The following DIP2C variants were observed in gnomAD, a reference collection of about 807,000 sequenced individuals.
DIP2C encodes the protein disco-interacting protein 2 homolog C.
DIP2C carries 33 observed loss-of-function variants against 192.4 expected under a neutral mutation model. That is an observed-to-expected ratio of 0.17 (90% CI 0.13 to 0.23). The LOEUF (loss-of-function observed/expected upper bound fraction) is 0.23, where lower values mean the gene tolerates loss of function less well. DIP2C is among the 10% of genes least tolerant of loss of function. DIP2C has a pLI of 1.00. For synonymous variants in DIP2C, 979 were observed against 864.1 expected, an observed-to-expected ratio of 1.13 and a Z score of -2.33; for missense variants, 1,537 against 2,110.1, an observed-to-expected ratio of 0.73 and a Z score of 5.32.
At chr10:582,594 A>G (rs1850737575) in intron 1 of DIP2C, among the ~76,000 whole-genome samples, 1 of 151,468 alleles carries the variant, frequency 6.6e-6, no homozygotes, top group East Asian at 1.9e-4. Flanking sequence ...GAAAATATAA[A>G]TAAACTAAAA....
intron 29 of DIP2C, among the ~76,000 whole-genome samples, chr10:336,588 T>C (rs1389934706): frequency 6.6e-6 from 1 of 152,252 alleles, no homozygotes; most frequent in East Asian, 1.9e-4. Context: ...CAAACAACTG[T>C]TACTGGTTTA....
intron 1 of DIP2C, among the ~76,000 whole-genome samples, chr10:602,131 C>T (rs1852125771): frequency 6.6e-6 from 1 of 152,106 alleles, no homozygotes; most frequent in South Asian, 2.1e-4. Flanking sequence ...GATTTCAGGA[C>T]TCAGGCAACG....
chr10:378,344 GAC>G (rs752569818), intron 17 of DIP2C, among the ~76,000 whole-genome samples: 13 of 152,194 alleles, frequency 8.5e-5, no homozygotes, highest in East Asian at 1.9e-4. Context: ...GGTGAAAACA[GAC>G]ACACATGAAG....
intron 21 of DIP2C, among the ~76,000 whole-genome samples, 158 bp from the exon 22 acceptor site, chr10:362,849 C>T (rs1306099805): frequency 2.0e-5 from 3 of 152,154 alleles, no homozygotes; most frequent in Non-Finnish European, 2.9e-5. Context: ...GATTTTCCTA[C>T]TAAACTCACC....
chr10:319,421 T>A (rs934711189), intron 31 of DIP2C, among the ~76,000 whole-genome samples: 14 of 152,358 alleles, frequency 9.2e-5, no homozygotes, highest in Admixed American at 7.8e-4. Flanking sequence ...GTTTTTTTCC[T>A]AATAAATAAA....
At chr10:317,006 T>C (rs560039287) in intron 31 of DIP2C, among the ~76,000 whole-genome samples, 1 of 152,346 alleles carries the variant, frequency 6.6e-6, no homozygotes, top group African/African-American at 2.4e-5. Context: ...AACCAGATTG[T>C]TCCGACGGTT....
intron 1 of DIP2C, among the ~76,000 whole-genome samples, chr10:591,887 G>A (rs1048043644): frequency 6.6e-6 from 1 of 152,236 alleles, no homozygotes; most frequent in Non-Finnish European, 1.5e-5. Context: ...GCGGCGGCCT[G>A]AATGAGGCGA....
intron 1 of DIP2C, among the ~76,000 whole-genome samples, chr10:513,497 C>T (rs1004151680): frequency 2.6e-5 from 4 of 152,234 alleles, no homozygotes; most frequent in East Asian, 1.9e-4. Flanking sequence ...CGCCACACCA[C>T]GGCCCGTGGC....
intron 33 of DIP2C, 98 bp from the exon 34 acceptor site, chr10:286,445 AAG>A (rs35865276): frequency 0.01 from 11,658 of 1,128,632 alleles, 121 homozygotes; most frequent in South Asian, 0.028. Context: ...ATTTCCTTTC[AAG>A]ACTGTTTAGA....
At chr10:289,718 T>C (rs1337086602) in intron 32 of DIP2C, among the ~76,000 whole-genome samples, 1 of 152,070 alleles carries the variant, frequency 6.6e-6, no homozygotes, top group Non-Finnish European at 1.5e-5. Context: ...CTCCGGGCCC[T>C]GAGGGACCAG....
chr10:364,227 G>A lies in DIP2C; in HGVS notation c.2477+147C>T. ...TTCAGAACTGGATTAAATCTCAGAG[G>A]TCAGAGTCCAGTTGCTTCAATAACA... On this transcript the variant is annotated intron_variant, in intron 20 of 36. Transcript: ENST00000280886. 3.5e-6 allele frequency: 3 copies of A among 850,288 alleles called. No individual in the cohort carries two copies. In the South Asian group the frequency reaches 5.9e-5, roughly 17 times the overall value. The allele number at this position is 850,288 out of a possible 1,614,324, so 52.7% of individuals were successfully genotyped here.
At chr10:473,970 C>T (rs560220000) in intron 2 of DIP2C, among the ~76,000 whole-genome samples, 2 of 152,124 alleles carry the variant, frequency 1.3e-5, no homozygotes, top group South Asian at 2.1e-4. Context: ...GCTCCTACAC[C>T]GTCATTTTGC....
chr10:446,381 C>A, intron 3 of DIP2C, among the ~76,000 whole-genome samples: 1 of 152,226 alleles, frequency 6.6e-6, no homozygotes, highest in Non-Finnish European at 1.5e-5. Context: ...CATCTGTATA[C>A]CTCTGTTGTG....
In DIP2C at chr10:544,720, TTATG is replaced by T. The variant is rs1362484654; in HGVS notation, c.86-58194_86-58191del. Among the ~76,000 whole-genome samples, 10 of 152,346 alleles carry T rather than the reference TTATG, an allele frequency of 6.6e-5. No individual in the cohort carries two copies. In the East Asian group the frequency reaches 1.9e-3, roughly 29 times the overall value. On this transcript the variant is annotated intron_variant, in intron 1 of 36. Transcript: ENST00000280886. ...ATATCTCATGTGCTTTTTAAGGCAT[TTATG>T]TATCTTTCTTTGGAGAATGTCTATT... is the stretch of plus-strand genomic sequence containing the variant.
chr10:438,343 C>T (rs1024475181), intron 4 of DIP2C, among the ~76,000 whole-genome samples: 2 of 152,108 alleles, frequency 1.3e-5, no homozygotes, highest in Non-Finnish European at 2.9e-5. Context: ...CTTAAATAAC[C>T]GGTTAGTGCC....
chr10:303,491 T>G (rs1004525868), intron 32 of DIP2C, among the ~76,000 whole-genome samples: 3 of 152,224 alleles, frequency 2.0e-5, no homozygotes, highest in Non-Finnish European at 2.9e-5. Context: ...AATTTATCTT[T>G]ATATCAAGTT....
At chr10:495,550 C>T (rs2133610293) in intron 1 of DIP2C, among the ~76,000 whole-genome samples, 1 of 150,180 alleles carries the variant, frequency 6.7e-6, no homozygotes, top group Non-Finnish European at 1.5e-5. Context: ...TCTGTTTCTT[C>T]TAGCGACTCT....
At chr10:283,633 A>C (rs1954952268) in intron 34 of DIP2C, among the ~76,000 whole-genome samples, 187 bp from the exon 35 acceptor site, 1 of 152,232 alleles carries the variant, frequency 6.6e-6, no homozygotes, top group African/African-American at 2.4e-5. Flanking sequence ...ACTGAAATAA[A>C]GGCAGTCTAC....
At chr10:579,061 A>C (rs985319967) in intron 1 of DIP2C, among the ~76,000 whole-genome samples, 1 of 151,404 alleles carries the variant, frequency 6.6e-6, no homozygotes, top group Non-Finnish European at 1.5e-5. Context: ...TAAGTGCACA[A>C]CATGTGTATG....
Sources: allele counts gnomAD v4.1 joint callset (sites outside exome capture counted in the v4.1 genomes callset), GRCh38; gene constraint gnomAD v4.1.1; transcripts MANE v1.5; gene names NCBI Gene and HGNC (gene_info 2026-07-23, HGNC 2026-07-21).